PHACTR2: variants seen among roughly 807,000 people sequenced by gnomAD.
PHACTR2 encodes the protein chromosome 6 open reading frame 56.
In PHACTR2, 30 loss-of-function variants were observed where a neutral mutation model predicts 76.0. That is an observed-to-expected ratio of 0.39 (90% CI 0.30 to 0.54). The LOEUF is 0.54. Among genes scored for constraint, PHACTR2 ranks in the 20% least tolerant of loss-of-function variants. The probability of loss-of-function intolerance (pLI) is 0.61; values close to 1 mark genes in which losing one functional copy is unlikely to be tolerated. For missense variants in PHACTR2, 696 were observed against 781.1 expected, an observed-to-expected ratio of 0.89 and a Z score of 1.30; for synonymous variants, 292 against 292.5, an observed-to-expected ratio of 1.00 and a Z score of 0.02.
rs1781156968 is a variant in PHACTR2 at position 143,539,907 on chromosome 6, G to A, written c.217+2700G>A. Among the ~76,000 whole-genome samples the A allele has an allele frequency of 1.3e-5, 2 of 152,270 alleles. No individual in the cohort carries two copies. The highest frequency in any genetic ancestry group is 6.5e-5 in the Admixed American group (1 of 15,308). On this transcript the variant is annotated intron_variant, in intron 1 of 11. Coordinates refer to the PHACTR2 transcript ENST00000367584. The surrounding 1 kb of genome is among the most constrained non-coding windows in gnomAD (Gnocchi z 4.3). ...CAACGAAGCAACCTGTGGCTGGGTC[G>A]CACACCTAGGGATTCTGATTTCATT...
chr6:143,578,924 G>C lies in PHACTR2; in HGVS notation c.217+41717G>C, dbSNP rs1775544047. ...CCAAAACTTTTTTTTTTGTTGTTGA[G>C]ACAGGATCTTGTTCTGGCACCCAGG... On this transcript the variant is annotated intron_variant, in intron 1 of 11. Transcript: ENST00000367584. This position sits in a 1 kb window ranked among gnomAD's most constrained non-coding sequence, Gnocchi z 4.5. Among the ~76,000 whole-genome samples the C allele has an allele frequency of 6.6e-6, 1 of 151,854 alleles. No individual in the cohort carries two copies. Among genetic ancestry groups the C allele is most frequent in the African/African-American group, 2.4e-5 (1 of 41,292 alleles).
intron 1 of PHACTR2, among the ~76,000 whole-genome samples, chr6:143,682,775 T>C (rs982429822): frequency 7.4e-6 from 1 of 135,896 alleles, no homozygotes; most frequent in Non-Finnish European, 1.7e-5. Context: ...GTTGTTTTTT[T>C]GTTTTTTGTT....
chr6:143,752,098 A>C (rs931305092), intron 3 of PHACTR2, among the ~76,000 whole-genome samples: 4 of 152,140 alleles, frequency 2.6e-5, no homozygotes, highest in African/African-American at 9.7e-5. Flanking sequence ...TGTCACAGCT[A>C]TTAAAATTTC....
At position 143,654,665 on chromosome 6, in the gene PHACTR2, A is replaced by G. The variant is rs1776818444; in HGVS notation, c.13+46343A>G. 6.6e-6 allele frequency among the ~76,000 whole-genome samples: 1 copy of G among 151,966 alleles called. No homozygotes were observed. ...ACAAAAAGTAAAAAATTAGCCAAGC[A>G]TGGTGGTGCACGCCTGTAGTCCTAG... On this transcript the variant is annotated intron_variant, in intron 1 of 11. Coordinates refer to the PHACTR2 transcript ENST00000305766. The surrounding 1 kb of genome is among the most constrained non-coding windows in gnomAD (Gnocchi z 4.6).
At position 143,782,125 on chromosome 6, in the gene PHACTR2, T is replaced by TA. The variant is rs1775445185; in HGVS notation, c.1646-1087dup. Among the ~76,000 whole-genome samples the TA allele has an allele frequency of 6.6e-6, 1 of 152,136 alleles. No individual in the cohort carries two copies. Among genetic ancestry groups the TA allele is most frequent in the South Asian group, 2.1e-4 (1 of 4,828 alleles). Reference sequence around the variant, plus strand: ...AATATATTTCATACCTGTCATGGATTAAAAAAATTTTTTTTAATTGAACCC... The same window carrying TA: ...AATATATTTCATACCTGTCATGGATTAAAAAAAATTTTTTTTAATTGAACCC... On this transcript the variant is annotated intron_variant, in intron 9 of 12. Coordinates refer to ENST00000440869, the MANE Select transcript of PHACTR2 (RefSeq NM_001100164.2). The surrounding 1 kb of genome is among the most constrained non-coding windows in gnomAD (Gnocchi z 4.6).
chr6:143,622,271 G>T (rs192652328), intron 1 of PHACTR2, among the ~76,000 whole-genome samples: 9 of 152,124 alleles, frequency 5.9e-5, no homozygotes, highest in African/African-American at 1.9e-4. Flanking sequence ...GTCACACAAG[G>T]CCCCTGTGTC....
intron 2 of PHACTR2, among the ~76,000 whole-genome samples, chr6:143,720,810 G>A (rs1342908111): frequency 6.6e-6 from 1 of 151,902 alleles, no homozygotes; most frequent in Non-Finnish European, 1.5e-5. Flanking sequence ...ACGAGATCTC[G>A]CTATGTTGCC....
At chr6:143,629,048 T>A (rs1406170170) in intron 1 of PHACTR2, among the ~76,000 whole-genome samples, 1 of 147,442 alleles carries the variant, frequency 6.8e-6, no homozygotes, top group Non-Finnish European at 1.5e-5. Flanking sequence ...AGAGTTCAAG[T>A]CACATGTTCA....
At chr6:143,725,269 G>C (rs1171004056) in intron 2 of PHACTR2, among the ~76,000 whole-genome samples, 1 of 136,090 alleles carries the variant, frequency 7.3e-6, no homozygotes, top group Non-Finnish European at 1.5e-5. Context: ...GTGCAGTGGC[G>C]TGATCTCGGC....
Position 143,702,773 on chromosome 6 carries a change from C to CTTTT in PHACTR2, c.47-9220_47-9217dup, listed in dbSNP as rs1190039194. Among the ~76,000 whole-genome samples the CTTTT allele has an allele frequency of 2.4e-3, 236 of 100,118 alleles. 13 individuals carry two copies. Among genetic ancestry groups the CTTTT allele is most frequent in the African/African-American group, 7.7e-3 (185 of 24,012 alleles). 65.7% of individuals were successfully genotyped at this position (100,118 alleles called of 152,430 possible). A position where few individuals can be genotyped will look rare whatever the true frequency, so the allele number is the denominator to read the frequency against. ...ATGCATTGTAAGAATATATATACAA[C>CTTTT]TTTTTTTTTTTTTTTTTTTTTTTTT... On this transcript the variant is annotated intron_variant, in intron 1 of 12. Coordinates refer to ENST00000440869, the MANE Select transcript of PHACTR2 (RefSeq NM_001100164.2).
At position 143,680,032 on chromosome 6, in the gene PHACTR2, T is replaced by C. The variant is rs2128452807; in HGVS notation, c.46+1823T>C. Among the ~76,000 whole-genome samples the C allele has an allele frequency of 6.6e-6, 1 of 152,294 alleles. No individual in the cohort carries two copies. Among genetic ancestry groups the C allele is most frequent in the Non-Finnish European group, 1.5e-5 (1 of 68,014 alleles). ...TTCAGTTAAGGAATGACAGTGGTTA[T>C]GACTTAAGTTGTGGTATTGTAAAAG... On this transcript the variant is annotated intron_variant, in intron 1 of 12. Coordinates refer to ENST00000440869, the MANE Select transcript of PHACTR2 (RefSeq NM_001100164.2). This position sits in a 1 kb window ranked among gnomAD's most constrained non-coding sequence, Gnocchi z 4.5.
chr6:143,544,624 G>T (rs1193710699), intron 1 of PHACTR2, among the ~76,000 whole-genome samples: 2 of 152,136 alleles, frequency 1.3e-5, no homozygotes, highest in Admixed American at 6.5e-5. Flanking sequence ...TGGCACCTTC[G>T]CATGCTTCCA....
At chr6:143,756,418 G>A (rs1248274088) in intron 4 of PHACTR2, among the ~76,000 whole-genome samples, 1 of 152,164 alleles carries the variant, frequency 6.6e-6, no homozygotes. Flanking sequence ...AGAAAAGGCC[G>A]GGCGCCGTGG....
In PHACTR2 at chr6:143,571,699, T is replaced by C. The variant is rs1402216714; in HGVS notation, c.217+34492T>C. 6.6e-6 allele frequency among the ~76,000 whole-genome samples: 1 copy of C among 152,208 alleles called. No individual in the cohort carries two copies. ...TATCGAGAGTTTGGTACAAGTTTAC[T>C]CCTGTGTCCATTTGCCATGCTCCCA... On this transcript the variant is annotated intron_variant, in intron 1 of 11. Transcript: ENST00000367584. This position sits in a 1 kb window ranked among gnomAD's most constrained non-coding sequence, Gnocchi z 4.6.
intron 7 of PHACTR2, among the ~76,000 whole-genome samples, chr6:143,773,228 A>G (rs994370978): frequency 2.6e-5 from 4 of 152,078 alleles, no homozygotes; most frequent in Non-Finnish European, 4.4e-5. Context: ...ATAATAATAA[A>G]AAGAATGCTA....
chr6:143,661,413 G>C (rs1391180397), intron 1 of PHACTR2, among the ~76,000 whole-genome samples: 1 of 151,902 alleles, frequency 6.6e-6, no homozygotes, highest in African/African-American at 2.4e-5. Flanking sequence ...AGAATATTTA[G>C]AGCAAAACAA....
At chr6:143,631,371 T>A (rs1329631924) in intron 1 of PHACTR2, among the ~76,000 whole-genome samples, 1 of 152,054 alleles carries the variant, frequency 6.6e-6, no homozygotes, top group East Asian at 1.9e-4. Context: ...AAAAAAAATT[T>A]TTTTTAGAGA....
At position 143,599,602 on chromosome 6, in the gene PHACTR2, T is replaced by G. The variant is rs1775793102; in HGVS notation, c.217+62395T>G. Among the ~76,000 whole-genome samples, 1 of 152,150 alleles carries G rather than the reference T, an allele frequency of 6.6e-6. No homozygotes were observed. The highest frequency in any genetic ancestry group is 1.5e-5 in the Non-Finnish European group (1 of 68,016). On this transcript the variant is annotated intron_variant, in intron 1 of 11. Coordinates refer to the PHACTR2 transcript ENST00000367584. This position sits in a 1 kb window ranked among gnomAD's most constrained non-coding sequence, Gnocchi z 4.6. ...AAATGCTTATTAATTTAAATTTAAG[T>G]CAAGCAGAGCCTAGAATACTTGTTT...
intron 1 of PHACTR2, among the ~76,000 whole-genome samples, chr6:143,582,578 T>TA (rs970410431): frequency 3.5e-4 from 52 of 148,870 alleles, no homozygotes; most frequent in African/African-American, 7.4e-4. Flanking sequence ...TTTATAACAT[T>TA]AAAAAAAAAA....
Sources: gnomAD v4.1 joint callset for allele counts (sites outside exome capture counted in the v4.1 genomes callset) on GRCh38, gnomAD v4.1.1 for gene constraint, Gnocchi (gnomAD v3.1) non-coding constraint, MANE v1.5 for transcripts, NCBI Gene and HGNC (gene_info 2026-07-23, HGNC 2026-07-21) for gene names.